Variants in GPR179 observed in about 807,000 individuals in gnomAD.
The protein encoded by GPR179 is G protein-coupled receptor 179, also known as probable G protein-coupled receptor 179.
A neutral mutation model predicts 70.8 loss-of-function variants in GPR179; 52 were observed. The ratio of observed to expected loss-of-function variants is 0.73; its 90% CI spans 0.59 to 0.93. The LOEUF (loss-of-function observed/expected upper bound fraction) is 0.93, where lower values mean the gene tolerates loss of function less well. Ranked by LOEUF, GPR179 falls within the 40% of genes least tolerant of loss-of-function variation. The pLI is 0.00. For synonymous variants in GPR179, 1,123 were observed against 1,169.0 expected, an observed-to-expected ratio of 0.96 and a Z score of 0.80; for missense variants, 2,734 against 2,966.8, an observed-to-expected ratio of 0.92 and a Z score of 1.82.
rs752396478 is a variant in GPR179 at position 38,330,365 on chromosome 17, G to C, written c.3204C>G (p.Ile1068Met). Residue 1068 changes from isoleucine to methionine, a missense_variant, in exon 11 of 11, where the codon ATC becomes ATG. Physicochemically the swap from Ile to Met is conservative, Grantham distance 10. Coordinates refer to ENST00000616987, the MANE Select transcript of GPR179 (RefSeq NM_001004334.4). ...ANDVDEDRPK[I>M]FPKSHSLKAP... Reference sequence around the variant, plus strand: ...CCTTGAGGCTGTGGGATTTAGGGAAGATCTTGGGCCTGTCTTCGTCCACAT... The same window carrying C: ...CCTTGAGGCTGTGGGATTTAGGGAACATCTTGGGCCTGTCTTCGTCCACAT... 2 of 1,613,912 alleles carry C rather than the reference G, an allele frequency of 1.2e-6. No homozygotes were observed. The highest frequency in any genetic ancestry group is 1.7e-6 in the Non-Finnish European group (2 of 1,179,912).
chr17:38,334,554 T>G lies in GPR179; in HGVS notation c.1784+150A>C, dbSNP rs1597666492. On this transcript the variant is annotated intron_variant, in intron 8 of 10. Transcript: ENST00000616987. The surrounding 1 kb of genome is among the most constrained non-coding windows in gnomAD (Gnocchi z 4.7). ...GAGTACAGAAGGGGCATCTGGGGGG[T>G]AGGGAGAGAGCCAGAAGTGGGGGCC... 2.3e-5 allele frequency: 16 copies of G among 699,698 alleles called. No individual in the cohort carries two copies. Among genetic ancestry groups the G allele is most frequent in the South Asian group, 5.3e-5 (3 of 56,492 alleles). The allele number at this position is 699,698 out of a possible 1,614,324, so 43.3% of individuals were successfully genotyped here.
chr17:38,326,336 C>T lies in GPR179; in HGVS notation c.*129G>A, dbSNP rs995710392. ...GCAGTTTGTCTTTGGGATGGGTTGA[C>T]TTCTGGTCTTCTCAAGGAGGGGAAG... On this transcript the variant is annotated 3_prime_UTR_variant, in exon 11 of 11. Coordinates refer to ENST00000616987, the MANE Select transcript of GPR179 (RefSeq NM_001004334.4). 5.9e-6 allele frequency: 4 copies of T among 675,252 alleles called. No individual in the cohort carries two copies. The highest frequency in any genetic ancestry group is 1.8e-5 in the African/African-American group (1 of 55,512). 41.8% of individuals were successfully genotyped at this position (675,252 alleles called of 1,614,324 possible). A position where few individuals can be genotyped will look rare whatever the true frequency, so the allele number is the denominator to read the frequency against.
Position 38,342,979 on chromosome 17 carries a change from T to A in GPR179, c.794+17A>T, listed in dbSNP as rs376161987. On this transcript the variant is annotated intron_variant, in intron 1 of 10. Transcript: ENST00000616987. ...ACATCCCCACACATGCATCAAATCCTGCACAAACCCACTTACCTGACTTCT... is the reference window on the plus strand; with the variant it reads ...ACATCCCCACACATGCATCAAATCCAGCACAAACCCACTTACCTGACTTCT... 3 of 1,576,538 alleles carry A rather than the reference T, an allele frequency of 1.9e-6. No individual in the cohort carries two copies. The African/African-American group carries it at 4.0e-5, about 21-fold the overall frequency.
At chr17:38,340,573 A>AGCCTCTGCCACTGG (rs1357293279) in intron 1 of GPR179, among the ~76,000 whole-genome samples, 1 of 152,184 alleles carries the variant, frequency 6.6e-6, no homozygotes. Flanking sequence ...TAAGCCACTG[A>AGCCTCTGCCACTGG]GCCTCTGCCA....
At position 38,329,622 on chromosome 17, in the gene GPR179, T is replaced by G. The variant is rs749545632; in HGVS notation, c.3947A>C (p.Glu1316Ala). The change falls in exon 11 of 11, where the codon GAG becomes GCG. Residue 1316 changes from glutamate (E) to alanine (A), a missense_variant. Glu to Ala is a moderately radical substitution (Grantham distance 107). Transcript: ENST00000616987. ...MRKKPERLVR[E>A]QEAVCPWESA... Reference sequence around the variant, plus strand: ...CTCCCAGGGACACACTGCTTCCTGCTCCCTCACCAGCCTCTCTGGCTTTTT... The same window carrying G: ...CTCCCAGGGACACACTGCTTCCTGCGCCCTCACCAGCCTCTCTGGCTTTTT... The G allele has an allele frequency of 1.2e-6, 2 of 1,613,980 alleles. No homozygotes were observed. Among genetic ancestry groups the G allele is most frequent in the South Asian group, 2.2e-5 (2 of 91,088 alleles).
Position 38,326,932 on chromosome 17 carries a change from T to G in GPR179, c.6637A>C (p.Ser2213Arg), listed in dbSNP as rs535678195. Reference sequence around the variant, plus strand: ...AGCTCTGCCATCCTGCTTCCCATGCTGCCTGCTTCCTTGGGGCTGACTTTG... The same window carrying G: ...AGCTCTGCCATCCTGCTTCCCATGCGGCCTGCTTCCTTGGGGCTGACTTTG... ...ELKVSPKEAG[S>R]MGSRMAELCQ... Residue 2213 changes from serine (S) to arginine (R), a missense_variant, in exon 11 of 11, where the codon AGC (serine) becomes CGC (arginine). Transcript: ENST00000616987. 4.2e-5 allele frequency: 67 copies of G among 1,614,192 alleles called. 1 individual carries two copies. In the South Asian group the frequency reaches 7.2e-4, roughly 17 times the overall value.
chr17:38,341,081 G>A (rs116177249), intron 1 of GPR179, among the ~76,000 whole-genome samples: 3,021 of 152,266 alleles, frequency 0.02, 96 homozygotes, highest in African/African-American at 0.067. Context: ...TAGATCTGGG[G>A]ACAATGCAGT....
chr17:38,328,038 T>C lies in GPR179; in HGVS notation c.5531A>G (p.Glu1844Gly). 6.2e-7 allele frequency: 1 copy of C among 1,614,164 alleles called. No homozygotes were observed. ...GAGTCTCCCCTTTTCTAGAGCTTTC[T>C]CCCTCTGCTCTGCTGATTCACTCCC... ...KAGSESAEQREKALEKGRLTS... is the reference protein window; with the variant it reads ...KAGSESAEQRGKALEKGRLTS... Residue 1844 changes from glutamate (E) to glycine (G), a missense_variant, in exon 11 of 11, where the codon GAG becomes GGG. Transcript: ENST00000616987.
chr17:38,343,911 C>T lies in GPR179; in HGVS notation c.-122G>A, dbSNP rs1004371846. On this transcript the variant is annotated 5_prime_UTR_variant, in exon 1 of 11. Transcript: ENST00000616987. The surrounding 1 kb of genome is among the most constrained non-coding windows in gnomAD (Gnocchi z 4.2). ...TGCTGGCGTTCCTTCTTCCTCTCTCCGTCTCCCTCTCACGCTGGTGCCAGC... is the reference window on the plus strand; with the variant it reads ...TGCTGGCGTTCCTTCTTCCTCTCTCTGTCTCCCTCTCACGCTGGTGCCAGC... The T allele has an allele frequency of 2.3e-5, 18 of 794,220 alleles. No individual in the cohort carries two copies. Among genetic ancestry groups the T allele is most frequent in the Middle Eastern group, 3.0e-4 (1 of 3,346 alleles). 49.2% of individuals were successfully genotyped at this position (794,220 alleles called of 1,614,324 possible). A position where few individuals can be genotyped will look rare whatever the true frequency, so the allele number is the denominator to read the frequency against.
At chr17:38,336,250 C>T (rs929306419) in intron 4 of GPR179, 106 bp from the exon 5 acceptor site, 3 of 796,126 alleles carry the variant, frequency 3.8e-6, no homozygotes, top group Admixed American at 3.7e-5. Flanking sequence ...AAGGCTTCAC[C>T]CTGTAACACT....
chr17:38,336,945 A>G (rs2037408378), intron 4 of GPR179, 33 bp downstream of exon 4: 2 of 1,549,572 alleles, frequency 1.3e-6, no homozygotes. Flanking sequence ...GATGGGTCGG[A>G]CATGTGTGTA....
In GPR179 at chr17:38,343,849, G is replaced by A; in HGVS notation, c.-60C>T. On this transcript the variant is annotated 5_prime_UTR_variant, in exon 1 of 11. Coordinates refer to ENST00000616987, the MANE Select transcript of GPR179 (RefSeq NM_001004334.4). This position sits in a 1 kb window ranked among gnomAD's most constrained non-coding sequence, Gnocchi z 4.2. ...CTCAGGAGAGCCCAGGCAGAGGCTG[G>A]CTGCAGTCTGGGGGCTGTCGGCCTC... The A allele has an allele frequency of 7.3e-7, 1 of 1,377,910 alleles. No homozygotes were observed. The highest frequency in any genetic ancestry group is 2.5e-5 in the East Asian group (1 of 39,656). 85.4% of individuals were successfully genotyped at this position (1,377,910 alleles called of 1,614,324 possible). A position where few individuals can be genotyped will look rare whatever the true frequency, so the allele number is the denominator to read the frequency against.
In GPR179 at chr17:38,334,191, C is replaced by T. The variant is rs2037383744; in HGVS notation, c.1785-153G>A. On this transcript the variant is annotated intron_variant, in intron 8 of 10. Coordinates refer to ENST00000616987, the MANE Select transcript of GPR179 (RefSeq NM_001004334.4). This position sits in a 1 kb window ranked among gnomAD's most constrained non-coding sequence, Gnocchi z 4.7. The stretch of plus-strand genomic sequence containing the variant: ...TCCTGCCCTCTCCAGGATTTAGGTC[C>T]CACTTCAATCCTGTTAATCCCAACC... Among the ~76,000 whole-genome samples the T allele has an allele frequency of 6.6e-6, 1 of 152,302 alleles. No homozygotes were observed. Among genetic ancestry groups the T allele is most frequent in the Non-Finnish European group, 1.5e-5 (1 of 68,030 alleles).
In GPR179 at chr17:38,328,765, T is replaced by A; in HGVS notation, c.4804A>T (p.Arg1602Ter). The change falls in exon 11 of 11, where the codon AGA (arginine) becomes TGA (stop). Residue 1602 changes from arginine to a stop codon, truncating the protein, a stop_gained. Transcript: ENST00000616987. LOFTEE classifies it low-confidence loss of function (END_TRUNC). ...ICPWEVNERT[R>*]EEWTSAQVPR... ...ACCTGTGCTGATGTCCATTCCTCTC[T>A]TGTTCTTTCATTTACCTCCCAGGGA... 1 of 1,611,530 alleles carries A rather than the reference T, an allele frequency of 6.2e-7. No individual in the cohort carries two copies. The highest frequency in any genetic ancestry group is 8.5e-7 in the Non-Finnish European group (1 of 1,179,244).
At position 38,343,171 on chromosome 17, in the gene GPR179, C is replaced by T; in HGVS notation, c.619G>A (p.Gly207Arg). The T allele has an allele frequency of 6.2e-7, 1 of 1,614,132 alleles. No individual in the cohort carries two copies. Among genetic ancestry groups the T allele is most frequent in the African/African-American group, 1.3e-5 (1 of 75,044 alleles). Residue 207 changes from glycine (G) to arginine (R), a missense_variant, in exon 1 of 11, where the codon GGG (glycine) becomes AGG (arginine). Gly to Arg is a moderately radical substitution (Grantham distance 125). Coordinates refer to ENST00000616987, the MANE Select transcript of GPR179 (RefSeq NM_001004334.4). The surrounding 1 kb of genome is among the most constrained non-coding windows in gnomAD (Gnocchi z 4.2). ...LKKRVLTNDLGSLGSPKWPQA... is the reference protein window; with the variant it reads ...LKKRVLTNDLRSLGSPKWPQA... ...GGCCACTTGGGGCTGCCGAGGCTCC[C>T]TAGGTCATTGGTCAACACTCGCTTC...
chr17:38,340,762 A>G lies in GPR179; in HGVS notation c.795-1237T>C, dbSNP rs145384099. Among the ~76,000 whole-genome samples the G allele has an allele frequency of 2.8e-4, 42 of 152,234 alleles. No individual in the cohort carries two copies. The East Asian group carries it at 8.1e-3, about 29-fold the overall frequency. On this transcript the variant is annotated intron_variant, in intron 1 of 10. Transcript: ENST00000616987. The stretch of plus-strand genomic sequence containing the variant: ...GAGAAACCTTGTCTCTACTAAAAAT[A>G]CAAAAATCAGCCGGGCATGGTGGCT...
chr17:38,327,488 G>T lies in GPR179; in HGVS notation c.6081C>A (p.Ile2027=), dbSNP rs771332102. 1.2e-6 allele frequency: 2 copies of T among 1,614,074 alleles called. No homozygotes were observed. Among genetic ancestry groups the T allele is most frequent in the African/African-American group, 2.7e-5 (2 of 74,916 alleles). Residue 2027 remains isoleucine (I), a synonymous_variant, in exon 11 of 11, where the codon ATC becomes ATA. Coordinates refer to ENST00000616987, the MANE Select transcript of GPR179 (RefSeq NM_001004334.4). ...ETCPWEVTER[I]PVKGVSRQDG... The stretch of plus-strand genomic sequence containing the variant: ...CCTGCCTTGACACCCCTTTGACAGG[G>T]ATTCTTTCAGTCACTTCCCAGGGAC...
At chr17:38,337,298 C>A (rs2037414198) in intron 3 of GPR179, 85 bp from the exon 4 acceptor site, 2 of 1,476,654 alleles carry the variant, frequency 1.4e-6, no homozygotes, top group Middle Eastern at 1.8e-4. Flanking sequence ...GTCACCACAG[C>A]CCTCTCCCTG....
intron 9 of GPR179, 81 bp from the exon 10 acceptor site, chr17:38,333,478 C>A (rs2037377312): frequency 3.6e-6 from 5 of 1,393,948 alleles, no homozygotes; most frequent in Non-Finnish European, 3.9e-6. Flanking sequence ...CTGTGGAATG[C>A]GTCCTTACTT....
Sources: allele counts gnomAD v4.1 joint callset (sites outside exome capture counted in the v4.1 genomes callset), GRCh38; gene constraint gnomAD v4.1.1; non-coding constraint Gnocchi (gnomAD v3.1); transcripts MANE v1.5; gene names NCBI Gene and HGNC (gene_info 2026-07-23, HGNC 2026-07-21).